The following RNF130 variants were observed in gnomAD, a reference collection of about 807,000 sequenced individuals.
RNF130 encodes E3 ubiquitin-protein ligase RNF130.
A neutral mutation model predicts 44.6 loss-of-function variants in RNF130; 21 were observed. That is an observed-to-expected ratio of 0.47 (90% CI 0.33 to 0.68). The LOEUF is 0.68. Ranked by LOEUF, RNF130 falls within the 30% of genes least tolerant of loss-of-function variation. RNF130 has a pLI of 0.02. For synonymous variants in RNF130, 214 were observed against 210.4 expected, an observed-to-expected ratio of 1.02 and a Z score of -0.15; for missense variants, 479 against 560.6, an observed-to-expected ratio of 0.85 and a Z score of 1.47.
intron 1 of RNF130, among the ~76,000 whole-genome samples, chr5:180,053,137 A>C (rs192029403): frequency 1.3e-5 from 2 of 152,258 alleles, no homozygotes; most frequent in Admixed American, 1.3e-4. Flanking sequence ...GGCCAAATGG[A>C]GTAAAGATAA....
chr5:180,014,988 A>C (rs1763684615), intron 2 of RNF130, among the ~76,000 whole-genome samples: 1 of 152,214 alleles, frequency 6.6e-6, no homozygotes, highest in Admixed American at 6.5e-5. Flanking sequence ...CCTCAAAAAA[A>C]AGAAGAGAAA....
intron 1 of RNF130, among the ~76,000 whole-genome samples, chr5:180,049,571 CACAG>C (rs1257581533): frequency 6.6e-6 from 1 of 152,176 alleles, no homozygotes; most frequent in Non-Finnish European, 1.5e-5. Context: ...ATTACCATGT[CACAG>C]ACATGTTAAG....
intron 2 of RNF130, among the ~76,000 whole-genome samples, chr5:180,023,377 A>C (rs924700625): frequency 2.0e-5 from 3 of 152,182 alleles, no homozygotes; most frequent in Non-Finnish European, 4.4e-5. Context: ...CTCTCCAATA[A>C]ACAGAAACCA....
At chr5:179,941,564 G>A (rs568937278) in intron 7 of RNF130, among the ~76,000 whole-genome samples, 3 of 152,054 alleles carry the variant, frequency 2.0e-5, no homozygotes, top group South Asian at 2.1e-4. Context: ...CTTCTCTCTC[G>A]GTCTTTGGGC....
intron 7 of RNF130, among the ~76,000 whole-genome samples, chr5:179,937,679 C>A (rs554039183): frequency 6.6e-6 from 1 of 152,068 alleles, no homozygotes; most frequent in South Asian, 2.1e-4. Context: ...ATTCTATGAC[C>A]CAGCAATTCC....
intron 3 of RNF130, among the ~76,000 whole-genome samples, chr5:180,007,292 G>A (rs1282446501): frequency 6.6e-6 from 1 of 152,022 alleles, no homozygotes; most frequent in Non-Finnish European, 1.5e-5. Context: ...TCCCAGCTAC[G>A]TGTGAGGCTG....
At chr5:180,055,459 T>C (rs375916455) in intron 1 of RNF130, among the ~76,000 whole-genome samples, 67 of 119,926 alleles carry the variant, frequency 5.6e-4, no homozygotes, top group Admixed American at 1.9e-3. Flanking sequence ...TGTGCGTGTG[T>C]GTGTGTGTGT....
chr5:179,963,701 G>T, intron 7 of RNF130, 137 bp from the exon 8 acceptor site: 1 of 672,916 alleles, frequency 1.5e-6, no homozygotes, highest in South Asian at 1.7e-5. Context: ...AGTGAAGCAG[G>T]AGGTTTGCCA....
intron 7 of RNF130, among the ~76,000 whole-genome samples, chr5:179,936,852 G>C (rs1205471592): frequency 6.6e-6 from 1 of 152,156 alleles, no homozygotes; most frequent in African/African-American, 2.4e-5. Flanking sequence ...ACCACTCAGT[G>C]GGGGAAAGAA....
At position 180,061,024 on chromosome 5, in the gene RNF130, T is replaced by C. The variant is rs1015864404; in HGVS notation, c.247+10432A>G. ...GGGCGGAGCCTGCAGTGAGCCAAGATTGTCCCACTGCACTCCAGCCTGGGC... is the reference window on the plus strand; with the variant it reads ...GGGCGGAGCCTGCAGTGAGCCAAGACTGTCCCACTGCACTCCAGCCTGGGC... On this transcript the variant is annotated intron_variant, in intron 1 of 8. Coordinates refer to ENST00000521389, the MANE Select transcript of RNF130 (RefSeq NM_018434.6). Among the ~76,000 whole-genome samples the C allele has an allele frequency of 5.6e-5, 8 of 143,490 alleles. No homozygotes were observed. In the South Asian group the frequency reaches 8.6e-4, roughly 15 times the overall value. The allele number at this position is 143,490 out of a possible 152,430, so 94.1% of individuals were successfully genotyped here. A position where few individuals can be genotyped will look rare whatever the true frequency, so the allele number is the denominator to read the frequency against.
At chr5:180,019,367 G>C (rs1343646228) in intron 2 of RNF130, among the ~76,000 whole-genome samples, 2 of 148,448 alleles carry the variant, frequency 1.3e-5, no homozygotes, top group South Asian at 2.1e-4. Context: ...CTGGGCGACA[G>C]AGCGAGACTC....
chr5:180,068,185 CCAAACAAAAAGTTAGTGTGCA>C (rs2113195882), intron 1 of RNF130, among the ~76,000 whole-genome samples: 1 of 152,326 alleles, frequency 6.6e-6, no homozygotes, highest in South Asian at 2.1e-4. Flanking sequence ...CACTCTGGGG[CCAAACAAAAAGTTAGTGTGCA>C]CACACATAAA....
intron 7 of RNF130, among the ~76,000 whole-genome samples, chr5:179,929,145 G>C (rs1311610497): frequency 4.6e-5 from 7 of 152,106 alleles, no homozygotes; most frequent in African/African-American, 1.7e-4. Context: ...TTTCAGTATA[G>C]TGTGAAGTAG....
rs904850588 is a variant in RNF130 at position 180,064,009 on chromosome 5, C to T, written c.247+7447G>A. 5.3e-5 allele frequency among the ~76,000 whole-genome samples: 8 copies of T among 152,174 alleles called. No homozygotes were observed. The East Asian group carries it at 9.6e-4, about 18-fold the overall frequency. ...ATCACACTGTGCCCAATTCCATTACCGCTGAGAGCCTGCCACAGTGGACTG... is the reference window on the plus strand; with the variant it reads ...ATCACACTGTGCCCAATTCCATTACTGCTGAGAGCCTGCCACAGTGGACTG... On this transcript the variant is annotated intron_variant, in intron 1 of 8. Coordinates refer to ENST00000521389, the MANE Select transcript of RNF130 (RefSeq NM_018434.6).
intron 5 of RNF130, among the ~76,000 whole-genome samples, chr5:179,974,361 G>A (rs546341911): frequency 5.9e-5 from 9 of 152,342 alleles, no homozygotes; most frequent in Non-Finnish European, 1.0e-4. Context: ...GGTCTAATAA[G>A]ACCAGGTGAC....
At chr5:179,979,502 G>C (rs1409956870) in intron 4 of RNF130, among the ~76,000 whole-genome samples, 6 of 152,074 alleles carry the variant, frequency 3.9e-5, no homozygotes, top group African/African-American at 1.4e-4. Context: ...TATGCCTTTT[G>C]AGATGCCATT....
intron 2 of RNF130, among the ~76,000 whole-genome samples, chr5:180,032,467 G>A (rs1477251668): frequency 2.0e-5 from 3 of 151,958 alleles, no homozygotes; most frequent in Non-Finnish European, 4.4e-5. Context: ...AACCTCCTGG[G>A]CTCAAGTGAT....
intron 7 of RNF130, among the ~76,000 whole-genome samples, chr5:179,948,617 G>A (rs1762079806): frequency 6.6e-6 from 1 of 152,118 alleles, no homozygotes; most frequent in African/African-American, 2.4e-5. Flanking sequence ...GTCGCAGTGA[G>A]CCGAGATCAC....
At chr5:180,056,321 T>C (rs1324934784) in intron 1 of RNF130, among the ~76,000 whole-genome samples, 2 of 151,232 alleles carry the variant, frequency 1.3e-5, no homozygotes, top group African/African-American at 2.4e-5. Context: ...TGGGGCTACA[T>C]GTGGATGTGC....
Sources: allele counts gnomAD v4.1 joint callset (sites outside exome capture counted in the v4.1 genomes callset), GRCh38; gene constraint gnomAD v4.1.1; transcripts MANE v1.5; gene names NCBI Gene and HGNC (gene_info 2026-07-23, HGNC 2026-07-21).